AHRR: variants seen among roughly 807,000 people sequenced by gnomAD.
AHRR encodes ahR repressor.
Under a neutral mutation model 44.0 loss-of-function variants are expected in AHRR, and 28 were observed. That is an observed-to-expected ratio of 0.64 (90% CI 0.47 to 0.87). The LOEUF (loss-of-function observed/expected upper bound fraction) is 0.87, where lower values mean the gene tolerates loss of function less well. Ranked by LOEUF, AHRR falls within the 40% of genes least tolerant of loss-of-function variation. The pLI is 0.00. For synonymous variants in AHRR, 434 were observed against 407.0 expected (o/e 1.07, Z -0.80); for missense variants, 990 against 953.9 (o/e 1.04, Z -0.50).
At position 393,689 on chromosome 5, in the gene AHRR, G is replaced by A. The variant is rs543782359; in HGVS notation, c.351+16973G>A. The stretch of plus-strand genomic sequence containing the variant: ...GTCTCACTCTGTTTCCCAGGCTGGA[G>A]TGCAGTGGTACGATCTTGGCTCACT... On this transcript the variant is annotated intron_variant, in intron 4 of 10. Transcript: ENST00000684583. Among the ~76,000 whole-genome samples, 133 of 152,242 alleles carry A rather than the reference G, an allele frequency of 8.7e-4. 3 individuals carry two copies. In the South Asian group the frequency reaches 0.027, roughly 30 times the overall value.
chr5:388,963 C>A lies in AHRR; in HGVS notation c.351+12247C>A, dbSNP rs990588083. Among the ~76,000 whole-genome samples, 1 of 152,122 alleles carries A rather than the reference C, an allele frequency of 6.6e-6. No homozygotes were observed. Among genetic ancestry groups the A allele is most frequent in the Non-Finnish European group, 1.5e-5 (1 of 68,010 alleles). ...CGAGTGAGGACCCAAGAGCAAAGGGCCCCAAGCAGTTGTCACCTGAACGGG... is the reference window on the plus strand; with the variant it reads ...CGAGTGAGGACCCAAGAGCAAAGGGACCCAAGCAGTTGTCACCTGAACGGG... On this transcript the variant is annotated intron_variant, in intron 4 of 10. Coordinates refer to ENST00000684583, the MANE Select transcript of AHRR (RefSeq NM_001377236.1). This position sits in a 1 kb window ranked among gnomAD's most constrained non-coding sequence, Gnocchi z 5.2.
rs1400029396 is a variant in AHRR at position 420,967 on chromosome 5, G to A, written c.442-1762G>A. ...ACACAGGCGCACATACGCTGGCACC[G>A]CTGAACAGCCAAAATATACACGATG... is the stretch of plus-strand genomic sequence containing the variant. On this transcript the variant is annotated intron_variant, in intron 5 of 10. Coordinates refer to ENST00000684583, the MANE Select transcript of AHRR (RefSeq NM_001377236.1). The A allele has an allele frequency of 1.9e-5, 5 of 259,536 alleles. No homozygotes were observed. The Admixed American group carries it at 2.0e-4, about 10-fold the overall frequency. 16.1% of individuals were successfully genotyped at this position (259,536 alleles called of 1,614,324 possible). A position where few individuals can be genotyped will look rare whatever the true frequency, so the allele number is the denominator to read the frequency against.
At chr5:430,595 T>A (rs1736680149) in intron 8 of AHRR, among the ~76,000 whole-genome samples, 1 of 152,160 alleles carries the variant, frequency 6.6e-6, no homozygotes, top group African/African-American at 2.4e-5. Context: ...TGGGCGTGAG[T>A]TCCATCCTCA....
At chr5:414,734 A>C (rs1240466584) in intron 5 of AHRR, among the ~76,000 whole-genome samples, 1 of 152,282 alleles carries the variant, frequency 6.6e-6, no homozygotes, top group Non-Finnish European at 1.5e-5. Flanking sequence ...TGATGAAAAA[A>C]GAACAGGTAT....
Position 411,438 on chromosome 5 carries a change from T to C in AHRR, c.352-1906T>C, listed in dbSNP as rs1383029051. On this transcript the variant is annotated intron_variant, in intron 4 of 10. Coordinates refer to ENST00000684583, the MANE Select transcript of AHRR (RefSeq NM_001377236.1). The surrounding 1 kb of genome is among the most constrained non-coding windows in gnomAD (Gnocchi z 4.2). The stretch of plus-strand genomic sequence containing the variant: ...TGGATTTAGGTAACTGCCATTATCC[T>C]TGGCTGCCTAGGAGTCTTCAATACC... 2.0e-5 allele frequency among the ~76,000 whole-genome samples: 3 copies of C among 152,138 alleles called. No individual in the cohort carries two copies. Among genetic ancestry groups the C allele is most frequent in the Non-Finnish European group, 4.4e-5 (3 of 68,024 alleles).
chr5:427,774 A>C (rs1222935877), intron 7 of AHRR, 33 bp from the exon 8 acceptor site: 2 of 1,612,298 alleles, frequency 1.2e-6, no homozygotes, highest in Admixed American at 3.3e-5. Flanking sequence ...CCACTTGGTG[A>C]ACACGCCTTC....
At chr5:392,650 C>A (rs1320464595) in intron 4 of AHRR, among the ~76,000 whole-genome samples, 1 of 152,140 alleles carries the variant, frequency 6.6e-6, no homozygotes, top group Admixed American at 6.5e-5. Flanking sequence ...TCAAAGCAGT[C>A]GCTCAAAGCA....
intron 3 of AHRR, 84 bp from the exon 4 acceptor site, chr5:376,526 G>GA (rs1733671018): frequency 1.4e-6 from 2 of 1,436,526 alleles, no homozygotes; most frequent in South Asian, 2.8e-5. Context: ...GGTGAACGCG[G>GA]GGAAACACAG....
intron 3 of AHRR, among the ~76,000 whole-genome samples, chr5:363,546 G>A (rs1246310626): frequency 6.6e-6 from 1 of 152,216 alleles, no homozygotes; most frequent in African/African-American, 2.4e-5. Flanking sequence ...CTGGTCCACA[G>A]GAAATGTGCA....
At chr5:344,071 C>T in intron 2 of AHRR, 107 bp downstream of exon 2, 2 of 1,242,944 alleles carry the variant, frequency 1.6e-6, no homozygotes, top group Non-Finnish European at 2.2e-6. Context: ...GCGAGGAAGG[C>T]TTCGGGAGCC....
intron 3 of AHRR, among the ~76,000 whole-genome samples, chr5:376,166 G>A (rs1413922679): frequency 8.8e-6 from 1 of 113,416 alleles, no homozygotes; most frequent in African/African-American, 5.0e-5. Context: ...CCCTCAAAGG[G>A]GTGCAGCCCA....
chr5:376,552 A>ATGAGAGCCGTGGGGT, intron 3 of AHRR, 58 bp from the exon 4 acceptor site: 2 of 1,409,244 alleles, frequency 1.4e-6, no homozygotes, highest in Non-Finnish European at 1.9e-6. Flanking sequence ...ATGTGAATGA[A>ATGAGAGCCGTGGGGT]GAAGAGTGGC....
chr5:404,312 C>A lies in AHRR; in HGVS notation c.352-9032C>A. 6.1e-6 allele frequency: 3 copies of A among 489,382 alleles called. No homozygotes were observed. The highest frequency in any genetic ancestry group is 2.0e-5 in the African/African-American group (1 of 49,896). The allele number at this position is 489,382 out of a possible 1,614,324, so 30.3% of individuals were successfully genotyped here. ...GTGAATAATTCGCTAATTTTTCTTC[C>A]AGTGTTACTAAAAGCTGTTTCACTC... On this transcript the variant is annotated intron_variant, in intron 4 of 10. Coordinates refer to ENST00000684583, the MANE Select transcript of AHRR (RefSeq NM_001377236.1). The surrounding 1 kb of genome is among the most constrained non-coding windows in gnomAD (Gnocchi z 4.1).
At chr5:409,992 A>G (rs1327280279) in intron 4 of AHRR, among the ~76,000 whole-genome samples, 3 of 152,154 alleles carry the variant, frequency 2.0e-5, no homozygotes, top group Non-Finnish European at 2.9e-5. Flanking sequence ...ACAAATCTCC[A>G]GCTGTCCCAG....
rs549211192 is a variant in AHRR at position 387,208 on chromosome 5, G to C, written c.351+10492G>C. 6.6e-6 allele frequency among the ~76,000 whole-genome samples: 1 copy of C among 152,240 alleles called. No individual in the cohort carries two copies. The highest frequency in any genetic ancestry group is 2.1e-4 in the South Asian group (1 of 4,836). On this transcript the variant is annotated intron_variant, in intron 4 of 10. Coordinates refer to ENST00000684583, the MANE Select transcript of AHRR (RefSeq NM_001377236.1). This position sits in a 1 kb window ranked among gnomAD's most constrained non-coding sequence, Gnocchi z 5.1. ...GATGAGCCAGGACACGTGTCAGTTCGTACACAGAAGCGGGGTCCTGTCTCC... is the reference window on the plus strand; with the variant it reads ...GATGAGCCAGGACACGTGTCAGTTCCTACACAGAAGCGGGGTCCTGTCTCC...
At chr5:391,937 A>G (rs113411896) in intron 4 of AHRR, among the ~76,000 whole-genome samples, 2 of 612 alleles carry the variant, frequency 3.3e-3, no homozygotes, top group Non-Finnish European at 5.5e-3. Flanking sequence ...AGGGCGAGGC[A>G]GGCGCAGGGC....
At chr5:343,495 T>TACCTTCTCGGGGGTGACGGGAACCCG in intron 1 of AHRR, 1 of 237,866 alleles carries the variant, frequency 4.2e-6, no homozygotes, top group Non-Finnish European at 8.1e-6. Context: ...GGATCCCGCG[T>TACCTTCTCGGGGGTGACGGGAACCCG]GACGAGTGTT....
intron 4 of AHRR, chr5:403,696 AC>A: frequency 7.5e-6 from 4 of 530,770 alleles, no homozygotes; most frequent in South Asian, 3.5e-5. Flanking sequence ...TTTTTTTTTT[AC>A]TTTCTCTCAG....
chr5:408,332 A>T (rs1735349752), intron 4 of AHRR, among the ~76,000 whole-genome samples: 1 of 151,544 alleles, frequency 6.6e-6, no homozygotes, highest in African/African-American at 2.4e-5. Context: ...GTGCACACAC[A>T]TACATGTTAC....
Sources: allele counts gnomAD v4.1 joint callset (sites outside exome capture counted in the v4.1 genomes callset), GRCh38; gene constraint gnomAD v4.1.1; non-coding constraint Gnocchi (gnomAD v3.1); transcripts MANE v1.5; gene names NCBI Gene and HGNC (gene_info 2026-07-23, HGNC 2026-07-21).